The following JAKMIP2 variants were observed in gnomAD, a reference collection of about 807,000 sequenced individuals.
The protein encoded by JAKMIP2 is janus kinase and microtubule-interacting protein 2.
JAKMIP2 carries 25 observed loss-of-function variants against 115.0 expected under a neutral mutation model. That is an observed-to-expected ratio of 0.22 (90% confidence interval 0.16 to 0.30). The LOEUF (loss-of-function observed/expected upper bound fraction) is 0.30, where lower values mean the gene tolerates loss of function less well. Ranked by LOEUF, JAKMIP2 falls within the 10% of genes least tolerant of loss-of-function variation. JAKMIP2 has a pLI of 1.00. For missense variants in JAKMIP2, 642 were observed against 957.6 expected, an observed-to-expected ratio of 0.67 and a Z score of 4.35; for synonymous variants, 334 against 343.6, an observed-to-expected ratio of 0.97 and a Z score of 0.31.
intron 1 of JAKMIP2, among the ~76,000 whole-genome samples, 189 bp from the exon 2 acceptor site, chr5:147,672,143 A>G (rs754305062): frequency 6.6e-6 from 1 of 152,062 alleles, no homozygotes; most frequent in Non-Finnish European, 1.5e-5. Flanking sequence ...AATTATATCA[A>G]TATCTTGCTT....
At chr5:147,640,858 G>C in intron 8 of JAKMIP2, 35 bp from the exon 9 acceptor site, 1 of 1,597,294 alleles carries the variant, frequency 6.3e-7, no homozygotes, top group South Asian at 1.1e-5. Flanking sequence ...TACTGACATA[G>C]CTAACAGTAG....
At chr5:147,652,773 T>A (rs1045347277) in intron 3 of JAKMIP2, among the ~76,000 whole-genome samples, 1 of 152,160 alleles carries the variant, frequency 6.6e-6, no homozygotes, top group Non-Finnish European at 1.5e-5. Flanking sequence ...ACATGTGCCA[T>A]CGTGGCTTGC....
chr5:147,648,702 T>C (rs752667885), intron 4 of JAKMIP2, among the ~76,000 whole-genome samples: 5 of 152,188 alleles, frequency 3.3e-5, no homozygotes, highest in Non-Finnish European at 5.9e-5. Flanking sequence ...ATGAATTCCA[T>C]GTGGCAGATA....
intron 21 of JAKMIP2, among the ~76,000 whole-genome samples, chr5:147,596,074 C>T (rs1755373277): frequency 6.6e-6 from 1 of 152,104 alleles, no homozygotes; most frequent in Non-Finnish European, 1.5e-5. Context: ...TTGGGCAAAC[C>T]CTGTGGAAGG....
At chr5:147,764,926 G>GAAAGAAAGAAA (rs1362134819) in intron 1 of JAKMIP2, among the ~76,000 whole-genome samples, 2 of 86,324 alleles carry the variant, frequency 2.3e-5, no homozygotes, top group African/African-American at 1.3e-4. Flanking sequence ...AAGAAAGAGA[G>GAAAGAAAGAAA]AGAGAGAGAG....
intron 1 of JAKMIP2, among the ~76,000 whole-genome samples, chr5:147,680,893 T>A (rs551799055): frequency 6.6e-6 from 1 of 152,298 alleles, no homozygotes; most frequent in South Asian, 2.1e-4. Context: ...TACATGTCAG[T>A]TAGAGAAAAA....
At position 147,777,128 on chromosome 5, in the gene JAKMIP2, T is replaced by A. The variant is rs538260430; in HGVS notation, c.-149+5328A>T. 3.9e-5 allele frequency among the ~76,000 whole-genome samples: 6 copies of A among 152,266 alleles called. 1 individual carries two copies. The Middle Eastern group carries it at 0.014, about 345-fold the overall frequency. ...TGCCTTGGATTCAGACCTCATTCAT[T>A]ATCAGCAGACAAAGAATGACCAAGG... On this transcript the variant is annotated intron_variant, in intron 1 of 21. Coordinates refer to ENST00000616793, the MANE Select transcript of JAKMIP2 (RefSeq NM_001270941.2).
chr5:147,605,990 C>T (rs184950509), intron 20 of JAKMIP2, among the ~76,000 whole-genome samples: 151 of 152,138 alleles, frequency 9.9e-4, no homozygotes, highest in Non-Finnish European at 1.7e-3. Context: ...TTTTGAAAAG[C>T]GTCTGTTCAC....
intron 2 of JAKMIP2, among the ~76,000 whole-genome samples, chr5:147,663,489 G>C (rs190257462): frequency 6.6e-6 from 1 of 152,110 alleles, no homozygotes. Context: ...ACTTGAACTG[G>C]CTTCCTTGCT....
chr5:147,630,057 TG>T (rs1757287476), intron 14 of JAKMIP2, among the ~76,000 whole-genome samples: 1 of 152,170 alleles, frequency 6.6e-6, no homozygotes. Flanking sequence ...GTAAAAGACT[TG>T]GAATATTCTC....
intron 9 of JAKMIP2, among the ~76,000 whole-genome samples, chr5:147,640,018 C>A (rs1376075964): frequency 6.6e-6 from 1 of 152,042 alleles, no homozygotes; most frequent in East Asian, 1.9e-4. Flanking sequence ...CATTGTTAAT[C>A]ATTTGAGCTT....
At chr5:147,732,871 G>A (rs1003267296) in intron 1 of JAKMIP2, among the ~76,000 whole-genome samples, 1 of 152,142 alleles carries the variant, frequency 6.6e-6, no homozygotes, top group Non-Finnish European at 1.5e-5. Context: ...ATGGTATTAT[G>A]TTCTGAAATA....
At chr5:147,642,479 G>A (rs145655289) in intron 7 of JAKMIP2, among the ~76,000 whole-genome samples, 429 of 152,216 alleles carry the variant, frequency 2.8e-3, no homozygotes, top group Non-Finnish European at 4.7e-3. Flanking sequence ...TGAAAAGTCC[G>A]ATGAGTGTGC....
chr5:147,628,045 A>G (rs540225337), intron 16 of JAKMIP2, among the ~76,000 whole-genome samples: 4 of 149,810 alleles, frequency 2.7e-5, no homozygotes, highest in African/African-American at 9.9e-5. Context: ...GAGTCTCACT[A>G]TGTTGCCTAG....
At chr5:147,708,283 C>A (rs1427324865) in intron 1 of JAKMIP2, among the ~76,000 whole-genome samples, 1 of 152,154 alleles carries the variant, frequency 6.6e-6, no homozygotes, top group Non-Finnish European at 1.5e-5. Flanking sequence ...CAGACATTAA[C>A]TCTCAAAACT....
chr5:147,622,418 C>T (rs144860104), intron 17 of JAKMIP2, among the ~76,000 whole-genome samples: 118 of 152,216 alleles, frequency 7.8e-4, no homozygotes, highest in African/African-American at 2.7e-3. Flanking sequence ...TCTATGTTTC[C>T]CCTTCTCACC....
intron 1 of JAKMIP2, among the ~76,000 whole-genome samples, chr5:147,759,316 A>C (rs1178876055): frequency 2.0e-5 from 3 of 152,156 alleles, no homozygotes; most frequent in African/African-American, 7.2e-5. Flanking sequence ...TGAATGTCTA[A>C]AAAATGAGAT....
intron 1 of JAKMIP2, among the ~76,000 whole-genome samples, chr5:147,761,391 T>C (rs1278739588): frequency 1.3e-5 from 2 of 152,064 alleles, no homozygotes; most frequent in Non-Finnish European, 2.9e-5. Context: ...TTTTCCATTT[T>C]ACACATGAGG....
intron 1 of JAKMIP2, among the ~76,000 whole-genome samples, chr5:147,772,778 A>G (rs1457906717): frequency 6.6e-6 from 1 of 152,046 alleles, no homozygotes; most frequent in Non-Finnish European, 1.5e-5. Context: ...ATCTCAGTTA[A>G]AAAAATCGCT....
Sources: gnomAD v4.1 joint callset for allele counts (sites outside exome capture counted in the v4.1 genomes callset) on GRCh38, gnomAD v4.1.1 for gene constraint, MANE v1.5 for transcripts, NCBI Gene and HGNC (gene_info 2026-07-23, HGNC 2026-07-21) for gene names.